Variants in CNTN3 observed in about 807,000 individuals in gnomAD.
CNTN3 encodes the protein contactin-3.
CNTN3 carries 60 observed loss-of-function variants against 119.1 expected under a neutral mutation model. The observed-to-expected ratio is 0.50, with a 90% CI of 0.41 to 0.62. CNTN3 has a LOEUF of 0.62. Among genes scored for constraint, CNTN3 ranks in the 20% least tolerant of loss-of-function variants. CNTN3 has a pLI of 0.00. For synonymous variants in CNTN3, 450 were observed against 438.7 expected, an observed-to-expected ratio of 1.03 and a Z score of -0.32; for missense variants, 1,101 against 1,242.4, an observed-to-expected ratio of 0.89 and a Z score of 1.71.
At chr3:74,357,825 A>G (rs193000758) in intron 11 of CNTN3, among the ~76,000 whole-genome samples, 44 of 152,254 alleles carry the variant, frequency 2.9e-4, no homozygotes, top group African/African-American at 1.1e-3. Flanking sequence ...TAAATATCCC[A>G]TTAAAAAATT....
intron 3 of CNTN3, among the ~76,000 whole-genome samples, chr3:74,487,196 G>T (rs1161023677): frequency 6.6e-6 from 1 of 152,064 alleles, no homozygotes; most frequent in Non-Finnish European, 1.5e-5. Context: ...CACTACCTAG[G>T]GGGTCGGAAA....
At position 74,263,167 on chromosome 3, in the gene CNTN3, T is replaced by A. The variant is rs957848099; in HGVS notation, c.*1234A>T. On this transcript the variant is annotated 3_prime_UTR_variant, in exon 23 of 23. Transcript: ENST00000263665. ...TCTGCTGATTTTAATTTATTCTCTATATATTGCTATGAAGTCACGTCTTCA... is the reference window on the plus strand; with the variant it reads ...TCTGCTGATTTTAATTTATTCTCTAAATATTGCTATGAAGTCACGTCTTCA... 1 of 152,160 alleles carries A rather than the reference T, an allele frequency of 6.6e-6. No homozygotes were observed. Among genetic ancestry groups the A allele is most frequent in the Non-Finnish European group, 1.5e-5 (1 of 67,998 alleles). 9.4% of individuals were successfully genotyped at this position (152,160 alleles called of 1,614,324 possible). A position where few individuals can be genotyped will look rare whatever the true frequency, so the allele number is the denominator to read the frequency against.
chr3:74,443,788 C>T (rs1009712769), intron 4 of CNTN3, among the ~76,000 whole-genome samples: 1 of 152,094 alleles, frequency 6.6e-6, no homozygotes. Context: ...TTTTTAAGTA[C>T]TTTGTGAGCT....
rs114923399 is a variant in CNTN3 at position 74,525,694 on chromosome 3, T to C, written c.-80-4502A>G. 9.0e-3 allele frequency among the ~76,000 whole-genome samples: 1,365 copies of C among 151,992 alleles called. 21 individuals carry two copies. Among genetic ancestry groups the C allele is most frequent in the Middle Eastern group, 0.044 (13 of 294 alleles). On this transcript the variant is annotated intron_variant, in intron 1 of 22. Coordinates refer to ENST00000263665, the MANE Select transcript of CNTN3 (RefSeq NM_020872.3). ...TAAAGCTTAATATATTCACAACACG[T>C]TCTCATGGCAATCTTTAAATAGCCC...
At chr3:74,516,502 GAATAT>G (rs1371978355) in intron 2 of CNTN3, among the ~76,000 whole-genome samples, 1 of 150,718 alleles carries the variant, frequency 6.6e-6, no homozygotes, top group Non-Finnish European at 1.5e-5. Context: ...TAAGAATACA[GAATAT>G]AATACACATA....
intron 5 of CNTN3, among the ~76,000 whole-genome samples, chr3:74,422,178 A>AGACAGTG (rs1701626316): frequency 6.6e-6 from 1 of 152,224 alleles, no homozygotes; most frequent in African/African-American, 2.4e-5. Context: ...CAATGTGTTA[A>AGACAGTG]GACAGTGGAC....
intron 3 of CNTN3, among the ~76,000 whole-genome samples, chr3:74,496,940 A>G (rs76206625): frequency 0.014 from 2,140 of 152,054 alleles, 43 homozygotes; most frequent in African/African-American, 0.039. Flanking sequence ...TCTTCAGACA[A>G]GTTGGCATCA....
intron 1 of CNTN3, among the ~76,000 whole-genome samples, chr3:74,578,030 T>C (rs768443622): frequency 6.6e-5 from 10 of 152,048 alleles, no homozygotes; most frequent in Non-Finnish European, 1.0e-4. Flanking sequence ...CCCTGCCAAT[T>C]TGCAAATTAA....
intron 11 of CNTN3, among the ~76,000 whole-genome samples, chr3:74,346,981 T>C (rs192721381): frequency 1.3e-5 from 2 of 152,302 alleles, no homozygotes; most frequent in African/African-American, 4.8e-5. Context: ...TTTTAAGACA[T>C]GGGAAGCTGT....
intron 20 of CNTN3, among the ~76,000 whole-genome samples, chr3:74,274,410 C>T (rs545651566): frequency 1.3e-5 from 2 of 152,204 alleles, no homozygotes; most frequent in Non-Finnish European, 2.9e-5. Context: ...TTCACAGCCC[C>T]GCCACCTCCA....
chr3:74,399,150 T>A (rs145227059), intron 5 of CNTN3, among the ~76,000 whole-genome samples: 25 of 152,258 alleles, frequency 1.6e-4, no homozygotes, highest in African/African-American at 5.5e-4. Context: ...TATTTTTAAC[T>A]TTTATTTTAA....
chr3:74,557,948 G>T (rs74955797), intron 1 of CNTN3, among the ~76,000 whole-genome samples: 5,618 of 152,212 alleles, frequency 0.037, 137 homozygotes, highest in South Asian at 0.068. Flanking sequence ...ATGGATGCAT[G>T]GAACACAAGG....
At chr3:74,335,685 C>T (rs896392160) in intron 12 of CNTN3, among the ~76,000 whole-genome samples, 4 of 152,118 alleles carry the variant, frequency 2.6e-5, no homozygotes, top group African/African-American at 2.4e-5. Flanking sequence ...AACCATCCTG[C>T]TGATATATCA....
intron 4 of CNTN3, among the ~76,000 whole-genome samples, chr3:74,460,772 CATATATATATATATAT>C (rs71129755): frequency 0.011 from 995 of 89,454 alleles, 20 homozygotes; most frequent in African/African-American, 0.037. Flanking sequence ...TTCTTATTTT[CATATATATATATATAT>C]ATATATATAT....
chr3:74,433,105 G>C (rs564927420), intron 4 of CNTN3, among the ~76,000 whole-genome samples: 18 of 152,250 alleles, frequency 1.2e-4, no homozygotes, highest in African/African-American at 4.3e-4. Flanking sequence ...TGCTACTGCA[G>C]TCAATGAGAA....
At chr3:74,454,442 T>G (rs1702223608) in intron 4 of CNTN3, among the ~76,000 whole-genome samples, 1 of 151,750 alleles carries the variant, frequency 6.6e-6, no homozygotes, top group South Asian at 2.1e-4. Context: ...TACAACACAC[T>G]GATGGGTCTT....
chr3:74,365,119 A>C (rs1704158831), intron 9 of CNTN3, among the ~76,000 whole-genome samples: 1 of 152,132 alleles, frequency 6.6e-6, no homozygotes, highest in Non-Finnish European at 1.5e-5. Context: ...TATACAAAAA[A>C]AGGGCAAAAA....
intron 5 of CNTN3, among the ~76,000 whole-genome samples, chr3:74,404,123 C>A (rs1705263523): frequency 6.6e-6 from 1 of 152,064 alleles, no homozygotes; most frequent in African/African-American, 2.4e-5. Context: ...TCCCCCAATA[C>A]AATACTTTGA....
At position 74,454,496 on chromosome 3, in the gene CNTN3, A is replaced by G. The variant is rs1000779112; in HGVS notation, c.359-29556T>C. On this transcript the variant is annotated intron_variant, in intron 4 of 22. Coordinates refer to ENST00000263665, the MANE Select transcript of CNTN3 (RefSeq NM_020872.3). Reference sequence around the variant, plus strand: ...CCAGTCTGTGTCTTTTAATTGGAGAATTTAGTCCATTTACTTTTAAAGTTA... The same window carrying G: ...CCAGTCTGTGTCTTTTAATTGGAGAGTTTAGTCCATTTACTTTTAAAGTTA... 1.8e-4 allele frequency among the ~76,000 whole-genome samples: 28 copies of G among 152,126 alleles called. No homozygotes were observed. In the South Asian group the frequency reaches 5.0e-3, roughly 27 times the overall value.
Sources: allele counts gnomAD v4.1 joint callset (sites outside exome capture counted in the v4.1 genomes callset), GRCh38; gene constraint gnomAD v4.1.1; transcripts MANE v1.5; gene names NCBI Gene and HGNC (gene_info 2026-07-23, HGNC 2026-07-21).